Variants in SORCS3 observed in about 807,000 individuals in gnomAD.
The protein encoded by SORCS3 is VPS10 domain-containing receptor SorCS3.
SORCS3 carries 57 observed loss-of-function variants against 146.3 expected under a neutral mutation model. The observed-to-expected ratio is 0.39, with a 90% CI of 0.31 to 0.49. The LOEUF (loss-of-function observed/expected upper bound fraction) is 0.49, where lower values mean the gene tolerates loss of function less well. Ranked by LOEUF, SORCS3 falls within the 20% of genes least tolerant of loss-of-function variation. The probability of loss-of-function intolerance (pLI) is 0.92; values close to 1 mark genes in which losing one functional copy is unlikely to be tolerated. For missense variants in SORCS3, 1,341 were observed against 1,575.5 expected (o/e 0.85, Z 2.52); for synonymous variants, 653 against 618.5 (o/e 1.06, Z -0.83).
At chr10:105,086,447 G>GCT (rs34398669) in intron 5 of SORCS3, among the ~76,000 whole-genome samples, 1 of 64,042 alleles carries the variant, frequency 1.6e-5, no homozygotes, top group Non-Finnish European at 3.7e-5. Context: ...GTGTGAGCTG[G>GCT]TGACGAGGGA....
chr10:105,253,113 G>A (rs561098773), intron 23 of SORCS3, among the ~76,000 whole-genome samples: 6 of 152,170 alleles, frequency 3.9e-5, no homozygotes, highest in African/African-American at 7.2e-5. Context: ...GTCACCCCTG[G>A]CATTATTCAT....
intron 5 of SORCS3, among the ~76,000 whole-genome samples, chr10:105,062,108 G>A (rs531968205): frequency 1.3e-5 from 2 of 152,134 alleles, no homozygotes; most frequent in African/African-American, 4.8e-5. Flanking sequence ...GATAATAATG[G>A]TGGTAAATAA....
At chr10:105,216,863 C>A in intron 18 of SORCS3, 73 bp from the exon 19 acceptor site, 1 of 1,473,458 alleles carries the variant, frequency 6.8e-7, no homozygotes, top group Non-Finnish European at 9.4e-7. Flanking sequence ...GATGCTGAAG[C>A]AACAGGAGGA....
chr10:104,712,043 C>T (rs540248118), intron 1 of SORCS3, among the ~76,000 whole-genome samples: 1 of 152,166 alleles, frequency 6.6e-6, no homozygotes, highest in Non-Finnish European at 1.5e-5. Context: ...ATCCTCAGCA[C>T]ATAAGTTTCT....
At chr10:105,211,860 GGTCTAAGACA>G (rs2056636142) in intron 17 of SORCS3, among the ~76,000 whole-genome samples, 1 of 152,148 alleles carries the variant, frequency 6.6e-6, no homozygotes, top group African/African-American at 2.4e-5. Flanking sequence ...GTGGATGGGT[GGTCTAAGACA>G]GCACCTCTCA....
intron 1 of SORCS3, among the ~76,000 whole-genome samples, chr10:104,691,992 G>A (rs1283683198): frequency 6.6e-6 from 1 of 152,078 alleles, no homozygotes; most frequent in Admixed American, 6.6e-5. Flanking sequence ...CCAGACAAGG[G>A]TCTGTTTTTT....
intron 12 of SORCS3, 31 bp from the exon 13 acceptor site, chr10:105,167,227 A>G (rs1269636603): frequency 2.0e-6 from 3 of 1,491,300 alleles, no homozygotes; most frequent in Admixed American, 1.7e-5. Flanking sequence ...AGGTGTTGCT[A>G]TGATTGTTGT....
intron 1 of SORCS3, 54 bp from the exon 2 acceptor site, chr10:104,842,738 C>CTT (rs5787553): frequency 1.9e-5 from 26 of 1,393,504 alleles, no homozygotes; most frequent in South Asian, 5.9e-5. Context: ...AGTAAGCTTC[C>CTT]TTTTTTCCCT....
intron 3 of SORCS3, among the ~76,000 whole-genome samples, chr10:104,922,276 T>A (rs1246089194): frequency 6.6e-6 from 1 of 152,148 alleles, no homozygotes; most frequent in African/African-American, 2.4e-5. Flanking sequence ...TACACTAAAG[T>A]AAGGCCAAAA....
intron 1 of SORCS3, among the ~76,000 whole-genome samples, chr10:104,828,383 G>A (rs2017961832): frequency 6.6e-6 from 1 of 152,106 alleles, no homozygotes; most frequent in African/African-American, 2.4e-5. Context: ...AGAGAGATGG[G>A]GAACAGCCGA....
At chr10:104,778,041 T>C (rs148484302) in intron 1 of SORCS3, among the ~76,000 whole-genome samples, 1 of 152,096 alleles carries the variant, frequency 6.6e-6, no homozygotes. Flanking sequence ...AGGAATAAGA[T>C]CTAGCATTTG....
At chr10:104,897,597 T>C (rs973359336) in intron 2 of SORCS3, among the ~76,000 whole-genome samples, 3 of 152,232 alleles carry the variant, frequency 2.0e-5, no homozygotes, top group Non-Finnish European at 4.4e-5. Context: ...ATTTTGTTGG[T>C]ACGATTCCCC....
At chr10:104,696,277 G>A (rs62646908) in intron 1 of SORCS3, among the ~76,000 whole-genome samples, 23,699 of 27,180 alleles carry the variant, frequency 0.87, 10,798 homozygotes, top group East Asian at 0.96. Context: ...ATACACATAT[G>A]ATATATGATA....
chr10:104,701,124 G>C (rs1265488095), intron 1 of SORCS3, among the ~76,000 whole-genome samples: 1 of 152,152 alleles, frequency 6.6e-6, no homozygotes, highest in Non-Finnish European at 1.5e-5. Context: ...TTTACTGTGA[G>C]TTCTACCTCT....
In SORCS3 at chr10:105,139,456, G is replaced by T; in HGVS notation, c.1272G>T (p.Gln424His). Residue 424 changes from glutamine (Q) to histidine (H), a missense_variant, in exon 8 of 27, where the codon CAG becomes CAT. By Grantham distance (24) the Gln-to-His change is conservative. Transcript: ENST00000369701. ...CTTATCGAAGAGAGGCCTTTGCTCAGATAAAGCTGCCTAAGTACTCGTTGC... is the reference window on the plus strand; with the variant it reads ...CTTATCGAAGAGAGGCCTTTGCTCATATAAAGCTGCCTAAGTACTCGTTGC... ...YVSYRREAFAQIKLPKYSLPK... is the reference protein window; with the variant it reads ...YVSYRREAFAHIKLPKYSLPK... The T allele has an allele frequency of 6.2e-7, 1 of 1,613,638 alleles. No individual in the cohort carries two copies.
chr10:104,872,105 T>C (rs2133568622), intron 2 of SORCS3, among the ~76,000 whole-genome samples: 1 of 152,246 alleles, frequency 6.6e-6, no homozygotes, highest in Non-Finnish European at 1.5e-5. Context: ...CAAATCCTAC[T>C]CCAAGTCTGT....
chr10:104,707,719 GA>G (rs2016353144), intron 1 of SORCS3, among the ~76,000 whole-genome samples: 1 of 152,160 alleles, frequency 6.6e-6, no homozygotes, highest in East Asian at 1.9e-4. Context: ...TAATCACTGA[GA>G]TTAACACTCA....
chr10:105,145,229 G>A (rs2056122693), intron 8 of SORCS3, among the ~76,000 whole-genome samples: 1 of 152,128 alleles, frequency 6.6e-6, no homozygotes, highest in Admixed American at 6.6e-5. Context: ...TCTTGGTTAA[G>A]ATTAGGTTTA....
chr10:105,243,060 T>G (rs996324892), intron 20 of SORCS3, among the ~76,000 whole-genome samples: 3 of 137,214 alleles, frequency 2.2e-5, no homozygotes, highest in African/African-American at 8.1e-5. Context: ...TATTTATATA[T>G]TTATATATAT....
Sources: gnomAD v4.1 joint callset for allele counts (sites outside exome capture counted in the v4.1 genomes callset) on GRCh38, gnomAD v4.1.1 for gene constraint, MANE v1.5 for transcripts, NCBI Gene and HGNC (gene_info 2026-07-23, HGNC 2026-07-21) for gene names.